OXR1: variants seen among roughly 807,000 people sequenced by gnomAD.
OXR1 encodes oxidation resistance protein 1.
OXR1 carries 41 observed loss-of-function variants against 104.6 expected under a neutral mutation model. The ratio of observed to expected loss-of-function variants is 0.39; its 90% CI spans 0.31 to 0.51. The LOEUF is 0.51. OXR1 is among the 20% of genes least tolerant of loss of function. OXR1 has a pLI of 0.77. For synonymous variants in OXR1, 348 were observed against 348.4 expected (o/e 1.00, Z 0.01); for missense variants, 955 against 1,031.9 (o/e 0.93, Z 1.02).
intron 2 of OXR1, among the ~76,000 whole-genome samples, chr8:106,456,423 T>C (rs901006782): frequency 1.1e-4 from 16 of 152,202 alleles, no homozygotes; most frequent in Admixed American, 1.0e-3. Flanking sequence ...AGCATTGGAT[T>C]ATTTACGAAA....
chr8:106,657,602 A>C, intron 3 of OXR1: 1 of 157,486 alleles, frequency 6.3e-6, no homozygotes, highest in Non-Finnish European at 1.4e-5. Flanking sequence ...GGCCAGCTCC[A>C]TTGGCGCCAG....
chr8:106,710,270 AGAGAAT>A (rs1831562608), intron 9 of OXR1, among the ~76,000 whole-genome samples: 1 of 151,910 alleles, frequency 6.6e-6, no homozygotes, highest in Non-Finnish European at 1.5e-5. Context: ...AAAGACTGAT[AGAGAAT>A]ATGTAGAAAA....
At chr8:106,447,191 A>C (rs1820047004) in intron 2 of OXR1, among the ~76,000 whole-genome samples, 1 of 152,206 alleles carries the variant, frequency 6.6e-6, no homozygotes, top group African/African-American at 2.4e-5. Flanking sequence ...GGGCATCTCA[A>C]ATTTTTGAGG....
intron 2 of OXR1, among the ~76,000 whole-genome samples, chr8:106,490,400 C>T (rs919736275): frequency 1.3e-5 from 2 of 152,148 alleles, no homozygotes; most frequent in Non-Finnish European, 2.9e-5. Flanking sequence ...ACTCTGCTGC[C>T]TAGGCTGGAG....
chr8:106,346,098 A>AC lies in OXR1; in HGVS notation c.-138-13371dup, dbSNP rs201345397. On this transcript the variant is annotated intron_variant, in intron 1 of 16. Coordinates refer to ENST00000517566, the MANE Select transcript of OXR1 (RefSeq NM_001198533.2). ...TAATGGGGTTGCAGCAGTTTATTCCACCCCCCCTACCGCCGCCAGTGAATT... is the reference window on the plus strand; with the variant it reads ...TAATGGGGTTGCAGCAGTTTATTCCACCCCCCCCTACCGCCGCCAGTGAATT... 1.0e-3 allele frequency among the ~76,000 whole-genome samples: 128 copies of AC among 124,870 alleles called. 1 individual carries two copies. The highest frequency in any genetic ancestry group is 3.2e-3 in the African/African-American group (117 of 36,118). 81.9% of individuals were successfully genotyped at this position (124,870 alleles called of 152,430 possible). A position where few individuals can be genotyped will look rare whatever the true frequency, so the allele number is the denominator to read the frequency against.
chr8:106,394,194 A>AC (rs1817688914), intron 2 of OXR1, among the ~76,000 whole-genome samples: 1 of 151,890 alleles, frequency 6.6e-6, no homozygotes, highest in Admixed American at 6.6e-5. Flanking sequence ...ACACACAGCC[A>AC]CCCCAAAATC....
chr8:106,317,025 C>T (rs1813995218), intron 1 of OXR1, among the ~76,000 whole-genome samples: 1 of 152,062 alleles, frequency 6.6e-6, no homozygotes. Context: ...CATGTGTCAC[C>T]ATGCCCAGCT....
chr8:106,300,063 A>G (rs1462616444), intron 1 of OXR1, among the ~76,000 whole-genome samples: 2 of 152,200 alleles, frequency 1.3e-5, no homozygotes, highest in East Asian at 1.9e-4. Context: ...GAGAAATAAA[A>G]CTAGTTCTTT....
At chr8:106,339,519 A>AAAAAAAAT (rs869120573) in intron 1 of OXR1, among the ~76,000 whole-genome samples, 3 of 33,368 alleles carry the variant, frequency 9.0e-5, no homozygotes, top group Non-Finnish European at 1.6e-4. Context: ...AAAAAAAAAA[A>AAAAAAAAT]ATATATATAT....
At chr8:106,317,095 A>G (rs539651829) in intron 1 of OXR1, among the ~76,000 whole-genome samples, 21 of 152,306 alleles carry the variant, frequency 1.4e-4, no homozygotes, top group African/African-American at 4.6e-4. Context: ...GAAAAATGGC[A>G]TCAAGCCTCA....
intron 2 of OXR1, among the ~76,000 whole-genome samples, chr8:106,494,057 C>T (rs1811267416): frequency 6.6e-6 from 1 of 152,146 alleles, no homozygotes. Flanking sequence ...GAGTTTAAAT[C>T]TCTGAAAATT....
intron 8 of OXR1, among the ~76,000 whole-genome samples, chr8:106,704,878 C>A (rs563090492): frequency 6.6e-6 from 1 of 152,122 alleles, no homozygotes; most frequent in East Asian, 1.9e-4. Context: ...AAAGAAATAT[C>A]TTTAAATTCT....
At chr8:106,501,832 T>C (rs541123098) in intron 2 of OXR1, among the ~76,000 whole-genome samples, 2 of 152,356 alleles carry the variant, frequency 1.3e-5, no homozygotes, top group Non-Finnish European at 2.9e-5. Context: ...GATCAAATCA[T>C]GTATTCTTAG....
chr8:106,580,550 T>C (rs141198439), intron 3 of OXR1, among the ~76,000 whole-genome samples: 1 of 152,362 alleles, frequency 6.6e-6, no homozygotes, highest in Non-Finnish European at 1.5e-5. Context: ...AGATATCTTA[T>C]AGAAACCTTG....
rs770903664 is a variant in OXR1 at position 106,407,342 on chromosome 8, G to A, written c.23+47706G>A. Among the ~76,000 whole-genome samples the A allele has an allele frequency of 7.5e-4, 114 of 152,214 alleles. 1 individual carries two copies. Among genetic ancestry groups the A allele is most frequent in the Admixed American group, 1.6e-3 (25 of 15,272 alleles). On this transcript the variant is annotated intron_variant, in intron 2 of 16. Transcript: ENST00000517566. Reference sequence around the variant, plus strand: ...AATCTGATTGATTTTCCCCAGAGGGGCATTAGAATTCAGAATGCATTTCTA... The same window carrying A: ...AATCTGATTGATTTTCCCCAGAGGGACATTAGAATTCAGAATGCATTTCTA...
chr8:106,714,802 T>A (rs1032802763), intron 11 of OXR1, among the ~76,000 whole-genome samples: 1 of 152,152 alleles, frequency 6.6e-6, no homozygotes, highest in Non-Finnish European at 1.5e-5. Context: ...TGGCTGTTAA[T>A]GTGATATGAA....
rs1835917306 is a variant in OXR1, at chr8:106,751,994, T to C, written c.*1053T>C. The C allele has an allele frequency of 6.6e-6, 1 of 152,484 alleles. No homozygotes were observed. The highest frequency in any genetic ancestry group is 6.6e-5 in the Admixed American group (1 of 15,266). 9.4% of individuals were successfully genotyped at this position (152,484 alleles called of 1,614,324 possible). ...CAGTAGACTTGTTGAATATGCAAAC[T>C]TACTGTCAAGTGACCTCAAAAAAAA... On this transcript the variant is annotated 3_prime_UTR_variant, in exon 17 of 17. Transcript: ENST00000517566.
intron 11 of OXR1, among the ~76,000 whole-genome samples, chr8:106,728,796 A>T (rs1184553719): frequency 6.6e-6 from 1 of 152,180 alleles, no homozygotes; most frequent in Non-Finnish European, 1.5e-5. Context: ...CCATTTTATA[A>T]TAAGGATTTA....
intron 3 of OXR1, among the ~76,000 whole-genome samples, chr8:106,646,029 G>A (rs1421112613): frequency 6.6e-6 from 1 of 152,076 alleles, no homozygotes; most frequent in Non-Finnish European, 1.5e-5. Context: ...ACAGGTTAAA[G>A]CTGGAAATGT....
Sources: allele counts gnomAD v4.1 joint callset (sites outside exome capture counted in the v4.1 genomes callset), GRCh38; gene constraint gnomAD v4.1.1; transcripts MANE v1.5; gene names NCBI Gene and HGNC (gene_info 2026-07-23, HGNC 2026-07-21).